Variants in GLIPR1 observed in about 807,000 individuals in gnomAD.
GLIPR1 encodes glioma pathogenesis-related protein 1.
Under a neutral mutation model 30.3 loss-of-function variants are expected in GLIPR1, and 38 were observed. That is an observed-to-expected ratio of 1.26 (90% confidence interval 0.97 to 1.65). The LOEUF is 1.65. GLIPR1 is among the 40% of genes most tolerant of loss of function. The probability of loss-of-function intolerance (pLI) is 0.00; values close to 1 mark genes in which losing one functional copy is unlikely to be tolerated. For synonymous variants in GLIPR1, 122 were observed against 110.6 expected (o/e 1.10, Z -0.65); for missense variants, 285 against 326.5 (o/e 0.87, Z 0.98).
At chr12:75,490,772 A>C in intron 3 of GLIPR1, 1 of 272,860 alleles carries the variant, frequency 3.7e-6, no homozygotes, top group Non-Finnish European at 7.0e-6. Flanking sequence ...ACCTAAATAC[A>C]TACGCACATA....
At chr12:75,493,103 G>C (rs905519152) in intron 3 of GLIPR1, 2 of 152,120 alleles carry the variant, frequency 1.3e-5, no homozygotes, top group Non-Finnish European at 2.9e-5. Context: ...GATGAAACGG[G>C]GGGAGGAAGG....
chr12:75,502,103 C>T lies in GLIPR1; in HGVS notation c.*3125C>T, dbSNP rs2046398538. 2.3e-6 allele frequency: 2 copies of T among 865,054 alleles called. No individual in the cohort carries two copies. The highest frequency in any genetic ancestry group is 3.8e-6 in the Non-Finnish European group (2 of 531,828). The allele number at this position is 865,054 out of a possible 1,614,324, so 53.6% of individuals were successfully genotyped here. On this transcript the variant is annotated 3_prime_UTR_variant, in exon 6 of 6. Coordinates refer to ENST00000266659, the MANE Select transcript of GLIPR1 (RefSeq NM_006851.3). ...TTAGGGTAAAAACAATGGGGTCAAACTGATTTATTAATAAAAATGGTAGTG... is the reference window on the plus strand; with the variant it reads ...TTAGGGTAAAAACAATGGGGTCAAATTGATTTATTAATAAAAATGGTAGTG...
chr12:75,487,794 C>A (rs919021010), intron 2 of GLIPR1: 1 of 456,182 alleles, frequency 2.2e-6, no homozygotes, highest in East Asian at 7.0e-5. Context: ...TTGAATCTCG[C>A]GCGAGAAAAT....
chr12:75,497,809 T>TATTAGTGGTACATAAGATGATTTTA (rs1258623304), intron 4 of GLIPR1: 2 of 152,334 alleles, frequency 1.3e-5, no homozygotes, highest in East Asian at 3.9e-4. Flanking sequence ...GTGCTGGGCA[T>TATTAGTGGTACATAAGATGATTTTA]ATTAGTGGTA....
chr12:75,500,494 T>TCAATG lies in GLIPR1; in HGVS notation c.*1516_*1517insCAATG. 2.5e-5 allele frequency: 1 copy of TCAATG among 39,598 alleles called. No individual in the cohort carries two copies. Among genetic ancestry groups the TCAATG allele is most frequent in the East Asian group, 2.1e-3 (1 of 470 alleles). 2.5% of individuals were successfully genotyped at this position (39,598 alleles called of 1,614,324 possible). A position where few individuals can be genotyped will look rare whatever the true frequency, so the allele number is the denominator to read the frequency against. On this transcript the variant is annotated 3_prime_UTR_variant, in exon 6 of 6. Coordinates refer to ENST00000266659, the MANE Select transcript of GLIPR1 (RefSeq NM_006851.3). The stretch of plus-strand genomic sequence containing the variant: ...AATATTAATTGAATATTCAATGAAT[T>TCAATG]AATTCATTTAATGTTAGATTAATTC...
In GLIPR1 at chr12:75,480,994, TC is replaced by T; in HGVS notation, c.115del (p.Arg39GlufsTer10). On this transcript the variant is annotated frameshift_variant, in exon 1 of 6. Transcript: ENST00000266659. LOFTEE classifies it high-confidence loss of function. Reference sequence around the variant, plus strand: ...ATGAAGATTTCATCAAAGACTGCGTTCGAATCCATAACAAGTTCCGATCAGA... The same window carrying T: ...ATGAAGATTTCATCAAAGACTGCGTTGAATCCATAACAAGTTCCGATCAGA... ...ENEDFIKDCV[R>X]IHNKFRSEVK... 6.2e-7 allele frequency: 1 copy of T among 1,614,038 alleles called. No individual in the cohort carries two copies. Among genetic ancestry groups the T allele is most frequent in the African/African-American group, 1.3e-5 (1 of 75,058 alleles).
rs1383516181 is a variant in GLIPR1, at chr12:75,481,015, A to C, written c.135A>C (p.Arg45=). ...KDCVRIHNKF[R]SEVKPTASDM... The stretch of plus-strand genomic sequence containing the variant: ...GCGTTCGAATCCATAACAAGTTCCG[A>C]TCAGAGGTGAAACCAACAGCCAGTG... Residue 45 remains arginine (R), a synonymous_variant, in exon 1 of 6, where the codon CGA becomes CGC. Coordinates refer to ENST00000266659, the MANE Select transcript of GLIPR1 (RefSeq NM_006851.3). 12 of 1,613,796 alleles carry C rather than the reference A, an allele frequency of 7.4e-6. No individual in the cohort carries two copies. In the Admixed American group the frequency reaches 2.0e-4, roughly 27 times the overall value.
intron 4 of GLIPR1, chr12:75,497,134 T>C (rs932537948): frequency 6.6e-6 from 1 of 152,218 alleles, no homozygotes; most frequent in Admixed American, 6.5e-5. Context: ...AATTTCCAGT[T>C]TGACCACTGT....
chr12:75,487,559 AC>A (rs1160363553), intron 2 of GLIPR1, among the ~76,000 whole-genome samples: 2 of 152,158 alleles, frequency 1.3e-5, no homozygotes, highest in Non-Finnish European at 2.9e-5. Flanking sequence ...GTAGGGAAGT[AC>A]ACTCGCCCTT....
chr12:75,490,235 C>A (rs1039513348), intron 2 of GLIPR1, among the ~76,000 whole-genome samples, 171 bp from the exon 3 acceptor site: 12 of 109,714 alleles, frequency 1.1e-4, no homozygotes, highest in African/African-American at 3.7e-4. Context: ...ACACACACAC[C>A]CCAATAATGG....
chr12:75,500,581 A>C lies in GLIPR1; in HGVS notation c.*1603A>C, dbSNP rs896040119. On this transcript the variant is annotated 3_prime_UTR_variant, in exon 6 of 6. Transcript: ENST00000266659. Reference sequence around the variant, plus strand: ...ATTTTAACAAGATTTTGGTATATTTAACAACATTTTGGTAATAAAGACAAT... The same window carrying C: ...ATTTTAACAAGATTTTGGTATATTTCACAACATTTTGGTAATAAAGACAAT... 2.0e-5 allele frequency: 3 copies of C among 152,056 alleles called. No homozygotes were observed. Among genetic ancestry groups the C allele is most frequent in the Non-Finnish European group, 4.4e-5 (3 of 67,954 alleles). 9.4% of individuals were successfully genotyped at this position (152,056 alleles called of 1,614,324 possible). A position where few individuals can be genotyped will look rare whatever the true frequency, so the allele number is the denominator to read the frequency against.
chr12:75,483,361 A>G (rs1055240326), intron 2 of GLIPR1: 1 of 152,120 alleles, frequency 6.6e-6, no homozygotes, highest in African/African-American at 2.4e-5. Context: ...ACTTTCATTT[A>G]TTTATTAGTC....
At position 75,499,970 on chromosome 12, in the gene GLIPR1, CA is replaced by C. The variant is rs2046380196; in HGVS notation, c.*994del. 3.2e-6 allele frequency: 5 copies of C among 1,575,238 alleles called. No homozygotes were observed. Among genetic ancestry groups the C allele is most frequent in the Middle Eastern group, 1.7e-4 (1 of 5,966 alleles). On this transcript the variant is annotated 3_prime_UTR_variant, in exon 6 of 6. Transcript: ENST00000266659. The stretch of plus-strand genomic sequence containing the variant: ...GTAGAAGCTAGACAAATTAAAAGCA[CA>C]ACACATGTAATACTTTAGATTTTAC...
intron 3 of GLIPR1, chr12:75,492,151 C>T (rs1304431125): frequency 1.3e-5 from 2 of 150,052 alleles, no homozygotes; most frequent in African/African-American, 2.5e-5. Context: ...TACAGTGGCT[C>T]GCTTACGGTT....
chr12:75,485,533 T>TTTTATTTATTTA (rs149298938), intron 2 of GLIPR1, among the ~76,000 whole-genome samples: 35,921 of 110,290 alleles, frequency 0.33, 5,159 homozygotes, highest in Admixed American at 0.39. Context: ...GACAGCTTTA[T>TTTTATTTATTTA]TTTATTTATT....
In GLIPR1 at chr12:75,485,533, T is replaced by TTTTATTTATTTATTTATTTATTTA. The variant is rs149298938; in HGVS notation, c.420+3462_420+3485dup. On this transcript the variant is annotated intron_variant, in intron 2 of 5. Transcript: ENST00000266659. ...TCCTCTCACCCTCTTGACAGCTTTA[T>TTTTATTTATTTATTTATTTATTTA]TTTATTTATTTATTTATTTATTTAT... is the stretch of plus-strand genomic sequence containing the variant. Among the ~76,000 whole-genome samples the TTTTATTTATTTATTTATTTATTTA allele has an allele frequency of 1.6e-3, 181 of 110,490 alleles. 3 individuals carry two copies. Among genetic ancestry groups the TTTTATTTATTTATTTATTTATTTA allele is most frequent in the African/African-American group, 4.9e-3 (163 of 33,130 alleles). 72.5% of individuals were successfully genotyped at this position (110,490 alleles called of 152,430 possible).
intron 2 of GLIPR1, among the ~76,000 whole-genome samples, chr12:75,482,467 C>T (rs1409771453): frequency 6.6e-6 from 1 of 152,174 alleles, no homozygotes; most frequent in African/African-American, 2.4e-5. Flanking sequence ...AAACAAGACT[C>T]TCAGACAGAA....
At chr12:75,497,670 C>G (rs1308353094) in intron 4 of GLIPR1, 1 of 152,104 alleles carries the variant, frequency 6.6e-6, no homozygotes, top group Non-Finnish European at 1.5e-5. Flanking sequence ...TTAACAGATT[C>G]CTTCTCAGAC....
intron 2 of GLIPR1, 139 bp from the exon 3 acceptor site, chr12:75,490,267 G>A: frequency 1.7e-6 from 1 of 589,646 alleles, no homozygotes; most frequent in Non-Finnish European, 3.0e-6. Flanking sequence ...CTATCCAGCT[G>A]ATTTCTGAGT....
Sources: gnomAD v4.1 joint callset for allele counts (sites outside exome capture counted in the v4.1 genomes callset) on GRCh38, gnomAD v4.1.1 for gene constraint, MANE v1.5 for transcripts, NCBI Gene and HGNC (gene_info 2026-07-23, HGNC 2026-07-21) for gene names.